The following TTLL13 variants were observed in gnomAD, a reference collection of about 807,000 sequenced individuals.
The protein encoded by TTLL13 is tubulin polyglutamylase TTLL13.
At chr15:90,253,032 T>C in the TTLL13 span, among the ~76,000 whole-genome samples, 1 of 151,954 alleles carries the variant, frequency 6.6e-6, no homozygotes, top group African/African-American at 2.4e-5. Context: ...AAAAACCAGG[T>C]TCTAGTTTTC....
At chr15:90,250,347 G>A in the TTLL13 span, among the ~76,000 whole-genome samples, 3 of 152,146 alleles carry the variant, frequency 2.0e-5, no homozygotes, top group African/African-American at 7.2e-5. Context: ...AACTCCTGAA[G>A]GCACCCCTGT....
At chr15:90,254,269 C>T in the TTLL13 span, among the ~76,000 whole-genome samples, 40,844 of 149,056 alleles carry the variant, frequency 0.27, 6,475 homozygotes, top group East Asian at 0.69. Flanking sequence ...CCGAGGCGGG[C>T]GGATCATGAG....
At chr15:90,256,675 CTTCT>C in the TTLL13 span, among the ~76,000 whole-genome samples, 21 of 146,212 alleles carry the variant, frequency 1.4e-4, 1 homozygote, top group African/African-American at 5.1e-4. Context: ...TCCTTTCTTC[CTTCT>C]TTCTCTCTAC....
At chr15:90,258,355 G>A in the TTLL13 span, 1 of 1,136,148 alleles carries the variant, frequency 8.8e-7, no homozygotes, top group Admixed American at 1.8e-5. Flanking sequence ...CACTCAGGTG[G>A]TGGAACACAG....
the TTLL13 span, chr15:90,264,105 C>T: frequency 8.3e-7 from 1 of 1,210,286 alleles, no homozygotes; most frequent in African/African-American, 1.5e-5. Context: ...ATGTAAATCC[C>T]ACTAGCAAGC....
chr15:90,262,003 C>A, the TTLL13 span: 1 of 1,529,636 alleles, frequency 6.5e-7, no homozygotes. Flanking sequence ...TTGCTTTCCA[C>A]AGGAAAGAAA....
At chr15:90,251,405 T>C in the TTLL13 span, 1 of 780,490 alleles carries the variant, frequency 1.3e-6, no homozygotes, top group Non-Finnish European at 2.2e-6. Flanking sequence ...ATTACAGGCA[T>C]GAGCCACCGC....
chr15:90,262,937 C>T, the TTLL13 span: 235 of 1,528,778 alleles, frequency 1.5e-4, no homozygotes, highest in East Asian at 5.6e-3. Context: ...CCTTGGAGAT[C>T]CTGCATTTAT....
the TTLL13 span, chr15:90,264,767 G>A: frequency 6.5e-7 from 1 of 1,536,092 alleles, no homozygotes; most frequent in Admixed American, 2.0e-5. Context: ...AGTCCTGGCA[G>A]GATCAGTGCC....
At chr15:90,262,793 T>A in the TTLL13 span, 2 of 1,222,704 alleles carry the variant, frequency 1.6e-6, no homozygotes, top group Non-Finnish European at 2.2e-6. Flanking sequence ...TCCTAATCAG[T>A]AAATTGAATC....
chr15:90,251,625 G>A, the TTLL13 span: 16 of 1,610,200 alleles, frequency 9.9e-6, no homozygotes, highest in African/African-American at 1.3e-5. Flanking sequence ...TCACACTGTG[G>A]TGCATAACAT....
the TTLL13 span, among the ~76,000 whole-genome samples, chr15:90,252,043 C>CTTTTTTTTTTTTTTTTT: frequency 3.0e-5 from 4 of 133,472 alleles, no homozygotes; most frequent in Non-Finnish European, 4.8e-5. Flanking sequence ...TCACCTAATT[C>CTTTTTTTTTTTTTTTTT]TTTTTTTTTT....
At chr15:90,264,593 G>A in the TTLL13 span, 1 of 1,087,086 alleles carries the variant, frequency 9.2e-7, no homozygotes, top group Non-Finnish European at 1.3e-6. Context: ...ATACAGTGTG[G>A]GAAAGACAGT....
chr15:90,249,560 G>A, the TTLL13 span: 1 of 152,308 alleles, frequency 6.6e-6, no homozygotes, highest in Non-Finnish European at 1.5e-5. Context: ...CTTGCTAGAG[G>A]AAGCGCTGCC....
chr15:90,257,764 G>A, the TTLL13 span: 1 of 1,588,278 alleles, frequency 6.3e-7, no homozygotes, highest in Non-Finnish European at 8.6e-7. Flanking sequence ...CTGCCCCTTA[G>A]CCCCACAGTC....
the TTLL13 span, chr15:90,257,181 T>C: frequency 2.2e-4 from 348 of 1,613,946 alleles, no homozygotes; most frequent in Non-Finnish European, 2.7e-4. Flanking sequence ...CGAGTCTACG[T>C]CCTGATCACA....
At chr15:90,255,934 G>A in the TTLL13 span, 3 of 1,612,988 alleles carry the variant, frequency 1.9e-6, no homozygotes, top group Non-Finnish European at 2.5e-6. Context: ...GAGGAAAAGG[G>A]TCGCTCTCAG....
At chr15:90,258,776 T>A in the TTLL13 span, 2 of 1,614,080 alleles carry the variant, frequency 1.2e-6, no homozygotes, top group African/African-American at 2.7e-5. Context: ...CACGGACTCA[T>A]GCCTTGATCA....
chr15:90,262,143 C>T, the TTLL13 span: 1 of 1,535,736 alleles, frequency 6.5e-7, no homozygotes, highest in Non-Finnish European at 8.7e-7. Context: ...CACAATGGCT[C>T]CCTCTTCCAA....
Sources: gnomAD v4.1 joint callset for allele counts (sites outside exome capture counted in the v4.1 genomes callset) on GRCh38, gnomAD v4.1.1 for gene constraint, MANE v1.5 for transcripts, NCBI Gene and HGNC (gene_info 2026-07-23, HGNC 2026-07-21) for gene names.